CAMSAP1: variants seen among roughly 807,000 people sequenced by gnomAD.
The protein encoded by CAMSAP1 is calmodulin-regulated spectrin-associated protein 1.
In CAMSAP1, 58 loss-of-function variants were observed where a neutral mutation model predicts 143.5. That is an observed-to-expected ratio of 0.40 (90% CI 0.33 to 0.50). The LOEUF is 0.50. CAMSAP1 is among the 20% of genes least tolerant of loss of function. The pLI, the probability that CAMSAP1 is intolerant of heterozygous loss-of-function variation, is 0.45. For synonymous variants in CAMSAP1, 945 were observed against 859.3 expected (o/e 1.10, Z -1.74); for missense variants, 1,969 against 2,115.7 (o/e 0.93, Z 1.36).
In CAMSAP1 at chr9:135,893,275, G is replaced by GA. The variant is rs558140281; in HGVS notation, c.161-10198dup. ...AAGGAGAGAGATGAAAGAAAGAAAAGAAAAAAAGAAAAAAGGCAGGAAAGG... is the reference window on the plus strand; with the variant it reads ...AAGGAGAGAGATGAAAGAAAGAAAAGAAAAAAAAGAAAAAAGGCAGGAAAGG... On this transcript the variant is annotated intron_variant, in intron 1 of 16. Transcript: ENST00000389532. Among the ~76,000 whole-genome samples, 28 of 122,078 alleles carry GA rather than the reference G, an allele frequency of 2.3e-4. 1 individual carries two copies. The South Asian group carries it at 6.4e-3, about 28-fold the overall frequency. The allele number at this position is 122,078 out of a possible 152,430, so 80.1% of individuals were successfully genotyped here.
Position 135,890,880 on chromosome 9 carries a change from G to A in CAMSAP1, c.161-7802C>T, listed in dbSNP as rs1014405665. ...GCAAGCTCCCAGACTCCTGAAGCCTGCCAAGATGAAGACAGTCCAAGACAG... is the reference window on the plus strand; with the variant it reads ...GCAAGCTCCCAGACTCCTGAAGCCTACCAAGATGAAGACAGTCCAAGACAG... On this transcript the variant is annotated intron_variant, in intron 1 of 16. Coordinates refer to ENST00000389532, the MANE Select transcript of CAMSAP1 (RefSeq NM_015447.4). Among the ~76,000 whole-genome samples, 4 of 152,328 alleles carry A rather than the reference G, an allele frequency of 2.6e-5. No homozygotes were observed. The East Asian group carries it at 7.7e-4, about 29-fold the overall frequency.
rs924410084 is a variant in CAMSAP1, at chr9:135,815,780, T to C, written c.4387+110A>G. On this transcript the variant is annotated intron_variant, in intron 15 of 16. Coordinates refer to ENST00000389532, the MANE Select transcript of CAMSAP1 (RefSeq NM_015447.4). Reference sequence around the variant, plus strand: ...CTCTCTTTCACTACATCAAACATCTTTGTTAGAAAAATACTTTTTAGACCA... The same window carrying C: ...CTCTCTTTCACTACATCAAACATCTCTGTTAGAAAAATACTTTTTAGACCA... 10 of 890,024 alleles carry C rather than the reference T, an allele frequency of 1.1e-5. No homozygotes were observed. The African/African-American group carries it at 1.3e-4, about 12-fold the overall frequency. The allele number at this position is 890,024 out of a possible 1,614,324, so 55.1% of individuals were successfully genotyped here.
intron 1 of CAMSAP1, among the ~76,000 whole-genome samples, chr9:135,889,490 G>C (rs541699534): frequency 5.5e-4 from 84 of 152,200 alleles, no homozygotes; most frequent in African/African-American, 2.0e-3. Flanking sequence ...GCAGAAGCCC[G>C]AACGAAACAA....
At chr9:135,874,001 T>C (rs1340901389) in intron 3 of CAMSAP1, among the ~76,000 whole-genome samples, 1 of 152,134 alleles carries the variant, frequency 6.6e-6, no homozygotes, top group Non-Finnish European at 1.5e-5. Context: ...TCCGTCAATA[T>C]ATAAAATAAA....
At position 135,814,989 on chromosome 9, in the gene CAMSAP1, G is replaced by C. The variant is rs541662710; in HGVS notation, c.4506+108C>G. On this transcript the variant is annotated intron_variant, in intron 16 of 16. Transcript: ENST00000389532. ...TTCCTTGAAATCTGCATTCTCCCTA[G>C]TAACTCTCATGCATCAAAGATTAGG... 8.4e-5 allele frequency: 68 copies of C among 807,396 alleles called. No homozygotes were observed. In the African/African-American group the frequency reaches 1.1e-3, roughly 13 times the overall value. 50.0% of individuals were successfully genotyped at this position (807,396 alleles called of 1,614,324 possible). A position where few individuals can be genotyped will look rare whatever the true frequency, so the allele number is the denominator to read the frequency against.
rs1418228189 is a variant in CAMSAP1, at chr9:135,883,097, G to A, written c.161-19C>T. 6.4e-7 allele frequency: 1 copy of A among 1,550,754 alleles called. No homozygotes were observed. The highest frequency in any genetic ancestry group is 2.0e-5 in the Admixed American group (1 of 50,972). On this transcript the variant is annotated intron_variant, in intron 1 of 16. Transcript: ENST00000389532. ...ATGTTATCTAAGACAGGGAGGGGAT[G>A]ACCAGGTGAGTGCCACACACAAGAC...
intron 5 of CAMSAP1, 64 bp downstream of exon 5, chr9:135,862,403 A>G (rs1837231927): frequency 1.3e-6 from 2 of 1,496,130 alleles, no homozygotes; most frequent in East Asian, 2.5e-5. Context: ...ATGTGGATCA[A>G]TGTACACTAT....
At chr9:135,874,149 G>A (rs1837655711) in intron 3 of CAMSAP1, among the ~76,000 whole-genome samples, 1 of 151,910 alleles carries the variant, frequency 6.6e-6, no homozygotes, top group South Asian at 2.1e-4. Flanking sequence ...TACAGAAAAG[G>A]CATCTGACAA....
At chr9:135,834,758 T>C (rs1157663245) in intron 7 of CAMSAP1, among the ~76,000 whole-genome samples, 2 of 152,196 alleles carry the variant, frequency 1.3e-5, no homozygotes, top group East Asian at 1.9e-4. Context: ...TGAAAGATTT[T>C]AAGTGTTCTC....
chr9:135,817,238 T>A (rs980275347), intron 14 of CAMSAP1, among the ~76,000 whole-genome samples: 1 of 152,190 alleles, frequency 6.6e-6, no homozygotes, highest in African/African-American at 2.4e-5. Flanking sequence ...TTGGGATAAC[T>A]GAGGACAGCT....
At chr9:135,875,458 G>GC (rs1227462790) in intron 3 of CAMSAP1, among the ~76,000 whole-genome samples, 9 of 151,992 alleles carry the variant, frequency 5.9e-5, no homozygotes, top group Admixed American at 5.9e-4. Flanking sequence ...TGACCCACCC[G>GC]CCTCAGCCTC....
In CAMSAP1 at chr9:135,822,595, T is replaced by C. The variant is rs1182756274; in HGVS notation, c.2066A>G (p.Asp689Gly). ...CGGPLALGGF[D>G]PFPQGPSTDG... Reference sequence around the variant, plus strand: ...CGTGGATGGTCCCTGGGGGAACGGATCGAATCCGCCAAGGGCCAGAGGCCC... The same window carrying C: ...CGTGGATGGTCCCTGGGGGAACGGACCGAATCCGCCAAGGGCCAGAGGCCC... The change falls in exon 11 of 17, where the codon GAT (aspartate) becomes GGT (glycine). Residue 689 changes from aspartate (D) to glycine (G), a missense_variant. Transcript: ENST00000389532. This position sits in a 1 kb window ranked among gnomAD's most constrained non-coding sequence, Gnocchi z 6.1. 2 of 1,612,994 alleles carry C rather than the reference T, an allele frequency of 1.2e-6. No homozygotes were observed. The highest frequency in any genetic ancestry group is 2.2e-5 in the South Asian group (2 of 91,026).
chr9:135,899,403 G>C (rs140964688), intron 1 of CAMSAP1, among the ~76,000 whole-genome samples: 22 of 140,644 alleles, frequency 1.6e-4, no homozygotes, highest in African/African-American at 5.9e-4. Flanking sequence ...ATCCCTGACA[G>C]AACTTGTCTC....
intron 1 of CAMSAP1, among the ~76,000 whole-genome samples, chr9:135,895,973 GA>G (rs1457540645): frequency 6.6e-6 from 1 of 151,992 alleles, no homozygotes; most frequent in African/African-American, 2.4e-5. Flanking sequence ...AGAGAAACAG[GA>G]ACAAGAAACA....
At chr9:135,815,013 G>A in intron 16 of CAMSAP1, 84 bp downstream of exon 16, 1 of 943,874 alleles carries the variant, frequency 1.1e-6, no homozygotes, top group Non-Finnish European at 1.7e-6. Context: ...TCAAAGATTA[G>A]GGGTGTTTTC....
chr9:135,887,591 T>C (rs1838165666), intron 1 of CAMSAP1, among the ~76,000 whole-genome samples: 1 of 151,988 alleles, frequency 6.6e-6, no homozygotes, highest in South Asian at 2.1e-4. Flanking sequence ...AGGGGAGGGA[T>C]GCAGGGCCCA....
chr9:135,880,784 G>A (rs559395936), intron 3 of CAMSAP1, among the ~76,000 whole-genome samples: 10 of 152,268 alleles, frequency 6.6e-5, no homozygotes, highest in African/African-American at 2.4e-4. Flanking sequence ...GTGTTAATGC[G>A]CAAACTTAAA....
At chr9:135,872,619 A>C (rs1837605541) in intron 3 of CAMSAP1, among the ~76,000 whole-genome samples, 2 of 152,238 alleles carry the variant, frequency 1.3e-5, no homozygotes, top group Non-Finnish European at 1.5e-5. Context: ...CAAAAAATTC[A>C]CTTTAAAGAG....
chr9:135,862,157 C>G (rs1226149673), intron 5 of CAMSAP1, among the ~76,000 whole-genome samples: 1 of 151,572 alleles, frequency 6.6e-6, no homozygotes, highest in Non-Finnish European at 1.5e-5. Context: ...TCCCTCTCCA[C>G]CACCCCCCGC....
Sources: allele counts gnomAD v4.1 joint callset (sites outside exome capture counted in the v4.1 genomes callset), GRCh38; gene constraint gnomAD v4.1.1; non-coding constraint Gnocchi (gnomAD v3.1); transcripts MANE v1.5; gene names NCBI Gene and HGNC (gene_info 2026-07-23, HGNC 2026-07-21).